Variants in AVL9 observed in about 807,000 individuals in gnomAD.
AVL9 encodes AVL9 cell migration associated, also known as late secretory pathway protein AVL9 homolog.
Under a neutral mutation model 79.2 loss-of-function variants are expected in AVL9, and 49 were observed. That is an observed-to-expected ratio of 0.62 (90% CI 0.49 to 0.79). The LOEUF is 0.79. Among genes scored for constraint, AVL9 ranks in the 30% least tolerant of loss-of-function variants. AVL9 has a pLI of 0.00. For missense variants in AVL9, 682 were observed against 776.8 expected, an observed-to-expected ratio of 0.88 and a Z score of 1.45; for synonymous variants, 299 against 280.6, an observed-to-expected ratio of 1.07 and a Z score of -0.65.
chr7:32,576,003 G>T lies in AVL9; in HGVS notation c.1619G>T (p.Trp540Leu). 3 of 1,614,032 alleles carry T rather than the reference G, an allele frequency of 1.9e-6. No individual in the cohort carries two copies. The highest frequency in any genetic ancestry group is 2.5e-6 in the Non-Finnish European group (3 of 1,179,952). The change falls in exon 13 of 16, where the codon TGG (tryptophan) becomes TTG (leucine). Residue 540 changes from tryptophan (W) to leucine (L), a missense_variant. Coordinates refer to ENST00000318709, the MANE Select transcript of AVL9 (RefSeq NM_015060.3). ...TATGGGACAACTTTTGTTACAGCAT[G>T]GAAGAATACTCACAACTACAGGGTG... ...SDYGTTFVTA[W>L]KNTHNYRVWN...
intron 10 of AVL9, among the ~76,000 whole-genome samples, chr7:32,567,820 C>T (rs1457801479): frequency 2.0e-5 from 3 of 151,684 alleles, no homozygotes; most frequent in South Asian, 2.1e-4. Context: ...TCTTTTCAAG[C>T]GATTCTCCTG....
chr7:32,551,538 G>A (rs1395609597), intron 5 of AVL9, 115 bp downstream of exon 5: 6 of 453,758 alleles, frequency 1.3e-5, no homozygotes, highest in South Asian at 6.0e-5. Context: ...ACATTCTAAT[G>A]TGAAAACGCA....
At chr7:32,553,622 C>CT (rs10717407) in intron 6 of AVL9, 105 bp from the exon 7 acceptor site, 1,450 of 606,622 alleles carry the variant, frequency 2.4e-3, no homozygotes, top group Non-Finnish European at 2.6e-3. Context: ...CATATTCCTA[C>CT]TTTTTTTTTT....
intron 1 of AVL9, among the ~76,000 whole-genome samples, chr7:32,517,421 T>G (rs1787951940): frequency 6.6e-6 from 1 of 151,980 alleles, no homozygotes; most frequent in East Asian, 1.9e-4. Flanking sequence ...TTCTCCTTCC[T>G]TAGCCTCTCT....
chr7:32,516,763 CT>C (rs1787918182), intron 1 of AVL9, among the ~76,000 whole-genome samples: 1 of 59,400 alleles, frequency 1.7e-5, no homozygotes, highest in Non-Finnish European at 3.8e-5. Flanking sequence ...AACCCTAGGC[CT>C]TTAAAAAAAA....
intron 1 of AVL9, among the ~76,000 whole-genome samples, chr7:32,510,032 A>G (rs1196143451): frequency 6.6e-6 from 1 of 152,258 alleles, no homozygotes; most frequent in East Asian, 1.9e-4. Flanking sequence ...TACGTCCATT[A>G]AATCAGCCTT....
At chr7:32,517,278 G>A (rs1374990702) in intron 1 of AVL9, among the ~76,000 whole-genome samples, 2 of 151,510 alleles carry the variant, frequency 1.3e-5, no homozygotes, top group African/African-American at 4.8e-5. Context: ...AAGTTCACGT[G>A]ACAGTAAAAT....
At chr7:32,525,479 A>C (rs1049173089) in intron 1 of AVL9, among the ~76,000 whole-genome samples, 1 of 152,208 alleles carries the variant, frequency 6.6e-6, no homozygotes, top group African/African-American at 2.4e-5. Context: ...TTTTGCACAC[A>C]AATTGGTCTT....
intron 1 of AVL9, among the ~76,000 whole-genome samples, chr7:32,513,977 G>T (rs1400877008): frequency 6.6e-6 from 1 of 152,190 alleles, no homozygotes; most frequent in Non-Finnish European, 1.5e-5. Context: ...GCAGTAAAAA[G>T]TAACAGAGCA....
intron 1 of AVL9, among the ~76,000 whole-genome samples, chr7:32,509,879 A>C (rs1411971245): frequency 2.0e-5 from 3 of 152,172 alleles, no homozygotes; most frequent in Non-Finnish European, 4.4e-5. Flanking sequence ...AGAAAAAGGT[A>C]ATCTCTAGAA....
intron 3 of AVL9, 90 bp from the exon 4 acceptor site, chr7:32,548,757 T>A: frequency 1.1e-6 from 1 of 877,216 alleles, no homozygotes; most frequent in Non-Finnish European, 1.7e-6. Flanking sequence ...AAGAAATTTC[T>A]TATATATAAT....
At chr7:32,500,072 T>C (rs894935537) in intron 1 of AVL9, among the ~76,000 whole-genome samples, 2 of 152,202 alleles carry the variant, frequency 1.3e-5, no homozygotes, top group Admixed American at 6.5e-5. Flanking sequence ...TGTGTGTCTT[T>C]ATAGTAGAAT....
intron 10 of AVL9, 127 bp downstream of exon 10, chr7:32,559,591 C>A: frequency 2.6e-6 from 2 of 757,036 alleles, no homozygotes; most frequent in Non-Finnish European, 3.7e-6. Flanking sequence ...CTGTAAAGTA[C>A]AACCAAATAC....
Position 32,509,224 on chromosome 7 carries a change from A to G in AVL9, c.93+13422A>G, listed in dbSNP as rs940152697. On this transcript the variant is annotated intron_variant, in intron 1 of 15. Coordinates refer to ENST00000318709, the MANE Select transcript of AVL9 (RefSeq NM_015060.3). ...GGCCCCCTCCCTCTTTTTGCAGGAG[A>G]CTTTCCTTAAGGGCAGAAAGTCCCT... Among the ~76,000 whole-genome samples, 4 of 151,964 alleles carry G rather than the reference A, an allele frequency of 2.6e-5. No individual in the cohort carries two copies. In the South Asian group the frequency reaches 8.3e-4, roughly 31 times the overall value.
chr7:32,548,144 CTTTTT>C (rs1296068032), intron 3 of AVL9, among the ~76,000 whole-genome samples: 24 of 57,554 alleles, frequency 4.2e-4, no homozygotes, highest in African/African-American at 1.1e-3. Flanking sequence ...TTTGTCATCT[CTTTTT>C]TCTTTTTTTT....
At chr7:32,580,348 T>C (rs1791442908) in intron 14 of AVL9, 76 bp downstream of exon 14, 1 of 1,200,590 alleles carries the variant, frequency 8.3e-7, no homozygotes, top group Non-Finnish European at 1.2e-6. Context: ...TAATTGGGAA[T>C]TGTTTTTCTC....
intron 6 of AVL9, among the ~76,000 whole-genome samples, chr7:32,553,103 T>C (rs907823330): frequency 1.3e-5 from 2 of 152,220 alleles, no homozygotes; most frequent in Non-Finnish European, 2.9e-5. Flanking sequence ...TAGTTTATGA[T>C]TGCAATCCTC....
chr7:32,533,890 C>T (rs1788776556), intron 1 of AVL9: 2 of 152,282 alleles, frequency 1.3e-5, no homozygotes, highest in Middle Eastern at 6.8e-3. Context: ...GGCAGTGGAA[C>T]ATAGTGCATT....
rs554921380 is a variant in AVL9 at position 32,521,852 on chromosome 7, A to G, written c.94-21289A>G. ...GTCCAGGGTCCCCTTGCTGTGTGCA[A>G]CCTAGGGATGTGGCACCCTGTGTCC... On this transcript the variant is annotated intron_variant, in intron 1 of 15. Coordinates refer to ENST00000318709, the MANE Select transcript of AVL9 (RefSeq NM_015060.3). Among the ~76,000 whole-genome samples, 72 of 152,202 alleles carry G rather than the reference A, an allele frequency of 4.7e-4. 1 individual carries two copies. Among genetic ancestry groups the G allele is most frequent in the South Asian group, 1.2e-3 (6 of 4,818 alleles).
Sources: gnomAD v4.1 joint callset for allele counts (sites outside exome capture counted in the v4.1 genomes callset) on GRCh38, gnomAD v4.1.1 for gene constraint, MANE v1.5 for transcripts, NCBI Gene and HGNC (gene_info 2026-07-23, HGNC 2026-07-21) for gene names.